Variants in RCBTB2 observed in about 807,000 individuals in gnomAD.
The protein encoded by RCBTB2 is RCC1 and BTB domain-containing protein 2.
In RCBTB2, 55 loss-of-function variants were observed where a neutral mutation model predicts 65.4. The observed-to-expected ratio is 0.84, with a 90% CI of 0.68 to 1.05. The LOEUF is 1.05. Among genes scored for constraint, RCBTB2 ranks in the 50% least tolerant of loss-of-function variants. The probability of loss-of-function intolerance (pLI) is 0.00; values close to 1 mark genes in which losing one functional copy is unlikely to be tolerated. For missense variants in RCBTB2, 599 were observed against 680.1 expected, an observed-to-expected ratio of 0.88 and a Z score of 1.33; for synonymous variants, 220 against 255.2, an observed-to-expected ratio of 0.86 and a Z score of 1.31.
rs767312122 is a variant in RCBTB2, at chr13:48,489,740, G to A, written c.*371C>T. 10 of 258,138 alleles carry A rather than the reference G, an allele frequency of 3.9e-5. No individual in the cohort carries two copies. Among genetic ancestry groups the A allele is most frequent in the Middle Eastern group, 2.6e-3 (2 of 770 alleles). The allele number at this position is 258,138 out of a possible 1,614,324, so 16.0% of individuals were successfully genotyped here. On this transcript the variant is annotated 3_prime_UTR_variant, in exon 15 of 15. Transcript: ENST00000344532. ...GCTGAAAATGTGGTAAGGACAGACA[G>A]CACTCCTTGTCAAGCTATCTATGTG...
chr13:48,493,029 C>A (rs1326242759), intron 14 of RCBTB2, among the ~76,000 whole-genome samples: 1 of 152,196 alleles, frequency 6.6e-6, no homozygotes, highest in African/African-American at 2.4e-5. Flanking sequence ...CACTTTCATC[C>A]TTACAGCTGC....
intron 1 of RCBTB2, chr13:48,532,821 C>G: frequency 2.9e-6 from 1 of 338,996 alleles, no homozygotes; most frequent in Non-Finnish European, 5.9e-6. Context: ...GCTCTTAACT[C>G]CCGCCAGCAG....
At chr13:48,520,728 G>A (rs543022721) in intron 4 of RCBTB2, among the ~76,000 whole-genome samples, 1 of 152,156 alleles carries the variant, frequency 6.6e-6, no homozygotes. Context: ...ATGAAGAATC[G>A]AGTGTATAAC....
rs73479239 is a variant in RCBTB2, at chr13:48,511,831, T to C, written c.722A>G (p.Asn241Ser). 7.7e-4 allele frequency: 1,245 copies of C among 1,614,208 alleles called. 3 individuals carry two copies. The African/African-American group carries it at 0.015, about 19-fold the overall frequency. The stretch of plus-strand genomic sequence containing the variant: ...GCAAGGGGTTGGCTGGTTGCCACTG[T>C]TGCCGAGTCCAAGCTGCCCGTTTCC... ...YNGNGQLGLG[N>S]SGNQPTPCRV... Residue 241 changes from asparagine to serine, a missense_variant, in exon 9 of 15, where the codon AAC becomes AGC. Transcript: ENST00000344532.
intron 13 of RCBTB2, among the ~76,000 whole-genome samples, chr13:48,496,600 G>A (rs1035714691): frequency 3.3e-5 from 5 of 151,548 alleles, no homozygotes; most frequent in African/African-American, 4.9e-5. Context: ...AAAAGCATGT[G>A]CGCCTTGAAT....
intron 2 of RCBTB2, among the ~76,000 whole-genome samples, chr13:48,523,458 T>TA (rs1272568509): frequency 6.6e-6 from 1 of 152,220 alleles, no homozygotes; most frequent in East Asian, 1.9e-4. Context: ...TTCATTGCTA[T>TA]AACCCACAGC....
At chr13:48,518,468 AAAAAAT>A (rs1226859452) in intron 4 of RCBTB2, among the ~76,000 whole-genome samples, 10 of 134,252 alleles carry the variant, frequency 7.4e-5, no homozygotes, top group African/African-American at 3.2e-4. Flanking sequence ...CAAAAAAAAA[AAAAAAT>A]ATATATATAT....
Position 48,533,075 on chromosome 13 carries a change from T to C in RCBTB2, c.-266A>G, listed in dbSNP as rs776612452. 8 of 454,026 alleles carry C rather than the reference T, an allele frequency of 1.8e-5. No homozygotes were observed. Among genetic ancestry groups the C allele is most frequent in the South Asian group, 1.2e-4 (8 of 64,498 alleles). 28.1% of individuals were successfully genotyped at this position (454,026 alleles called of 1,614,324 possible). A position where few individuals can be genotyped will look rare whatever the true frequency, so the allele number is the denominator to read the frequency against. The stretch of plus-strand genomic sequence containing the variant: ...TCCGCTCCGCCTCCTGGGTAGCGGT[T>C]ACTGCACGGTCAGGGGCCCGGCGCC... On this transcript the variant is annotated 5_prime_UTR_variant, in exon 1 of 15. Transcript: ENST00000344532.
At chr13:48,518,472 A>AAAAAAAATAT (rs1491137365) in intron 4 of RCBTB2, among the ~76,000 whole-genome samples, 2 of 116,618 alleles carry the variant, frequency 1.7e-5, no homozygotes, top group African/African-American at 7.5e-5. Context: ...AAAAAAAAAA[A>AAAAAAAATAT]ATATATATAT....
At chr13:48,506,066 AT>A (rs35285230) in intron 10 of RCBTB2, among the ~76,000 whole-genome samples, 1 of 152,234 alleles carries the variant, frequency 6.6e-6, no homozygotes, top group African/African-American at 2.4e-5. Flanking sequence ...CTCAGGGAAT[AT>A]TTCAAGTAAA....
chr13:48,494,672 G>A (rs1949893615), intron 14 of RCBTB2, among the ~76,000 whole-genome samples: 1 of 152,144 alleles, frequency 6.6e-6, no homozygotes, highest in Admixed American at 6.5e-5. Context: ...CAAACACCAC[G>A]TGCCACCATC....
intron 13 of RCBTB2, among the ~76,000 whole-genome samples, chr13:48,499,315 G>C (rs771362572): frequency 6.6e-6 from 1 of 152,152 alleles, no homozygotes; most frequent in African/African-American, 2.4e-5. Context: ...TCTGAAATAA[G>C]TGGAATTCCT....
At chr13:48,526,643 G>A (rs9595915) in intron 1 of RCBTB2, among the ~76,000 whole-genome samples, 1,903 of 152,214 alleles carry the variant, frequency 0.013, 39 homozygotes, top group African/African-American at 0.043. Context: ...GCCTGGGCGC[G>A]GTGGCTCATG....
chr13:48,532,457 G>C (rs1393420275), intron 1 of RCBTB2: 1 of 152,832 alleles, frequency 6.5e-6, no homozygotes, highest in Non-Finnish European at 1.5e-5. Context: ...TTTATGGGAC[G>C]GGAGCCTAGG....
chr13:48,526,171 G>C (rs1023228941), intron 1 of RCBTB2, among the ~76,000 whole-genome samples: 6 of 152,068 alleles, frequency 3.9e-5, no homozygotes, highest in African/African-American at 1.2e-4. Flanking sequence ...CTTTACCAAG[G>C]ACATGGAAAT....
At chr13:48,510,267 G>A (rs796517223) in intron 10 of RCBTB2, among the ~76,000 whole-genome samples, 1 of 152,306 alleles carries the variant, frequency 6.6e-6, no homozygotes, top group East Asian at 1.9e-4. Flanking sequence ...AGCCAGGGAA[G>A]AGCGACCTTG....
intron 1 of RCBTB2, among the ~76,000 whole-genome samples, chr13:48,528,722 C>T (rs1479624553): frequency 6.6e-6 from 1 of 151,896 alleles, no homozygotes; most frequent in Admixed American, 6.5e-5. Context: ...TTTTCACTTG[C>T]AAAAAGGGAT....
intron 13 of RCBTB2, 98 bp from the exon 14 acceptor site, chr13:48,496,419 G>T (rs1949973882): frequency 1.6e-6 from 2 of 1,245,632 alleles, no homozygotes; most frequent in Non-Finnish European, 2.2e-6. Flanking sequence ...CACTATTTTA[G>T]ATATAATCCT....
chr13:48,529,867 T>C (rs1952009230), intron 1 of RCBTB2, among the ~76,000 whole-genome samples: 1 of 152,190 alleles, frequency 6.6e-6, no homozygotes, highest in Non-Finnish European at 1.5e-5. Context: ...TACCTTTTCC[T>C]GGACAATTTT....
Sources: allele counts gnomAD v4.1 joint callset (sites outside exome capture counted in the v4.1 genomes callset), GRCh38; gene constraint gnomAD v4.1.1; transcripts MANE v1.5; gene names NCBI Gene and HGNC (gene_info 2026-07-23, HGNC 2026-07-21).